RFX3: variants seen among roughly 807,000 people sequenced by gnomAD.
RFX3 encodes transcription factor RFX3.
In RFX3, 14 loss-of-function variants were observed where a neutral mutation model predicts 98.6. The observed-to-expected ratio is 0.14, with a 90% CI of 0.09 to 0.22. RFX3 has a LOEUF of 0.22. RFX3 is among the 10% of genes least tolerant of loss of function. The pLI is 1.00. For missense variants in RFX3, 639 were observed against 926.9 expected, an observed-to-expected ratio of 0.69 and a Z score of 4.03; for synonymous variants, 383 against 328.4, an observed-to-expected ratio of 1.17 and a Z score of -1.80.
intron 2 of RFX3, among the ~76,000 whole-genome samples, chr9:3,351,017 T>C (rs568274495): frequency 8.5e-5 from 13 of 152,202 alleles, no homozygotes; most frequent in African/African-American, 3.1e-4. Context: ...TAATGGTGGA[T>C]ACATGTCATT....
intron 2 of RFX3, among the ~76,000 whole-genome samples, chr9:3,379,073 C>G (rs1350859940): frequency 1.3e-5 from 2 of 152,154 alleles, no homozygotes; most frequent in African/African-American, 4.8e-5. Context: ...TTTCAACAAA[C>G]ATTTACTGAG....
At chr9:3,338,307 T>C (rs1833435181) in intron 3 of RFX3, among the ~76,000 whole-genome samples, 2 of 152,214 alleles carry the variant, frequency 1.3e-5, no homozygotes, top group South Asian at 2.1e-4. Flanking sequence ...ACAAAAAGCA[T>C]TTATTCAGCC....
chr9:3,263,491 T>A (rs1293693674), intron 12 of RFX3, among the ~76,000 whole-genome samples: 1 of 152,138 alleles, frequency 6.6e-6, no homozygotes, highest in Non-Finnish European at 1.5e-5. Flanking sequence ...GGATGTGCAG[T>A]TTGCCCTTTC....
At chr9:3,348,694 G>T (rs910606235) in intron 2 of RFX3, among the ~76,000 whole-genome samples, 9 of 152,008 alleles carry the variant, frequency 5.9e-5, no homozygotes, top group Admixed American at 2.6e-4. Context: ...TGATCGGTGT[G>T]GTTTTTTATT....
At chr9:3,372,767 G>C (rs1229201061) in intron 2 of RFX3, among the ~76,000 whole-genome samples, 1 of 151,878 alleles carries the variant, frequency 6.6e-6, no homozygotes, top group Non-Finnish European at 1.5e-5. Context: ...TGTGTTTTTA[G>C]TAGAGATAGG....
intron 1 of RFX3, among the ~76,000 whole-genome samples, chr9:3,447,323 A>G (rs1015737256): frequency 3.3e-5 from 5 of 152,178 alleles, no homozygotes; most frequent in African/African-American, 1.2e-4. Flanking sequence ...AACTCCATTA[A>G]GTATAATCAT....
chr9:3,340,499 A>C (rs1237669421), intron 3 of RFX3, among the ~76,000 whole-genome samples: 1 of 152,144 alleles, frequency 6.6e-6, no homozygotes, highest in Non-Finnish European at 1.5e-5. Context: ...TTTGCAATCT[A>C]CTCATCTGAC....
intron 1 of RFX3, among the ~76,000 whole-genome samples, chr9:3,508,373 G>A (rs960897630): frequency 6.6e-6 from 1 of 151,772 alleles, no homozygotes; most frequent in African/African-American, 2.4e-5. Flanking sequence ...TTATGAGTCA[G>A]TATATATGTT....
chr9:3,256,698 C>T (rs1248493257), intron 14 of RFX3, among the ~76,000 whole-genome samples: 1 of 152,156 alleles, frequency 6.6e-6, no homozygotes, highest in Non-Finnish European at 1.5e-5. Context: ...TTTCTGATTA[C>T]TGCTGAACAC....
chr9:3,498,607 G>A (rs1164546401), intron 1 of RFX3, among the ~76,000 whole-genome samples: 1 of 151,690 alleles, frequency 6.6e-6, no homozygotes, highest in East Asian at 1.9e-4. Flanking sequence ...TGTTATTTTG[G>A]GTATATTATT....
chr9:3,489,474 T>C (rs755924203), intron 1 of RFX3: 37 of 962,904 alleles, frequency 3.8e-5, no homozygotes, highest in Admixed American at 6.2e-5. Flanking sequence ...AAAACTATTA[T>C]TGAGTAGTAG....
chr9:3,238,047 C>T (rs900426399), intron 15 of RFX3, among the ~76,000 whole-genome samples: 1 of 151,768 alleles, frequency 6.6e-6, no homozygotes, highest in Non-Finnish European at 1.5e-5. Context: ...AATATATGAA[C>T]AGACAGTTCA....
Position 3,525,804 on chromosome 9 carries a change from A to C in RFX3, c.-66T>G. The C allele has an allele frequency of 1.7e-6, 1 of 595,664 alleles. No individual in the cohort carries two copies. Among genetic ancestry groups the C allele is most frequent in the Non-Finnish European group, 2.1e-6 (1 of 478,246 alleles). 36.9% of individuals were successfully genotyped at this position (595,664 alleles called of 1,614,324 possible). A position where few individuals can be genotyped will look rare whatever the true frequency, so the allele number is the denominator to read the frequency against. On this transcript the variant is annotated 5_prime_UTR_variant, in exon 1 of 17. Transcript: ENST00000617270. ...GGTGATGGAGATGGTGGTGGTGGGG[A>C]GGAGGAGGAGGAAGAGGAGGAGGAG...
intron 2 of RFX3, among the ~76,000 whole-genome samples, chr9:3,363,006 C>A (rs1202423070): frequency 6.6e-6 from 1 of 152,104 alleles, no homozygotes; most frequent in Non-Finnish European, 1.5e-5. Flanking sequence ...ACATAGCAAC[C>A]ATTACTTCTT....
chr9:3,314,234 A>C (rs562384860), intron 4 of RFX3, among the ~76,000 whole-genome samples: 85 of 152,222 alleles, frequency 5.6e-4, no homozygotes, highest in Non-Finnish European at 1.2e-3. Context: ...TCTTAAAGAA[A>C]AGAATTTTCA....
intron 15 of RFX3, among the ~76,000 whole-genome samples, chr9:3,234,206 T>G (rs1586670667): frequency 6.6e-6 from 1 of 152,202 alleles, no homozygotes; most frequent in South Asian, 2.1e-4. Context: ...ACTTTTTCAG[T>G]AAGGGACCAG....
chr9:3,307,486 G>T (rs546334703), intron 4 of RFX3, among the ~76,000 whole-genome samples: 1 of 152,236 alleles, frequency 6.6e-6, no homozygotes, highest in South Asian at 2.1e-4. Flanking sequence ...ATTGAGGTGA[G>T]AAACTGGTGA....
chr9:3,513,923 A>C (rs1316487171), intron 1 of RFX3, among the ~76,000 whole-genome samples: 3 of 152,216 alleles, frequency 2.0e-5, no homozygotes, highest in African/African-American at 7.2e-5. Context: ...TATTATTTAA[A>C]AGGTTTTACA....
chr9:3,381,792 A>T (rs1839221190), intron 2 of RFX3, among the ~76,000 whole-genome samples: 1 of 152,156 alleles, frequency 6.6e-6, no homozygotes, highest in African/African-American at 2.4e-5. Context: ...ATAAAGGGAG[A>T]CAGAGAAAAA....
Sources: allele counts gnomAD v4.1 joint callset (sites outside exome capture counted in the v4.1 genomes callset), GRCh38; gene constraint gnomAD v4.1.1; transcripts MANE v1.5; gene names NCBI Gene and HGNC (gene_info 2026-07-23, HGNC 2026-07-21).